UNC45B: variants seen among roughly 807,000 people sequenced by gnomAD.
UNC45B encodes protein unc-45 homolog B.
Under a neutral mutation model 98.7 loss-of-function variants are expected in UNC45B, and 78 were observed. The ratio of observed to expected loss-of-function variants is 0.79; its 90% CI spans 0.66 to 0.95. The LOEUF (loss-of-function observed/expected upper bound fraction) is 0.95. Ranked by LOEUF, UNC45B falls within the 40% of genes least tolerant of loss-of-function variation. The pLI, the probability that UNC45B is intolerant of heterozygous loss-of-function variation, is 0.00. For missense variants in UNC45B, 1,225 were observed against 1,184.9 expected, an observed-to-expected ratio of 1.03 and a Z score of -0.50; for synonymous variants, 462 against 480.4, an observed-to-expected ratio of 0.96 and a Z score of 0.50.
intron 2 of UNC45B, 62 bp downstream of exon 2, chr17:35,148,493 AG>A: frequency 6.4e-7 from 1 of 1,557,968 alleles, no homozygotes; most frequent in Non-Finnish European, 8.7e-7. Context: ...GCTGAGTGGC[AG>A]CCCCTTCACC....
intron 4 of UNC45B, among the ~76,000 whole-genome samples, chr17:35,150,606 C>T (rs1422899563): frequency 1.3e-5 from 2 of 152,008 alleles, no homozygotes; most frequent in Admixed American, 1.3e-4. Context: ...AAAAAATAGC[C>T]GGATGTGGTG....
chr17:35,174,355 G>A lies in UNC45B; in HGVS notation c.1944G>A (p.Lys648=). The A allele has an allele frequency of 4.3e-6, 7 of 1,614,178 alleles. No individual in the cohort carries two copies. The highest frequency in any genetic ancestry group is 5.9e-6 in the Non-Finnish European group (7 of 1,180,002). The change falls in exon 14 of 20, where the codon AAG becomes AAA. Residue 648 remains lysine, a synonymous_variant. Transcript: ENST00000394570. Reference sequence around the variant, plus strand: ...GTGCCATCCTCACTGACCAGACCAAGGAGCTGCTGGCCAGGTGGGGCTGCA... The same window carrying A: ...GTGCCATCCTCACTGACCAGACCAAAGAGCTGCTGGCCAGGTGGGGCTGCA... ...ADSAILTDQT[K]ELLARVFLAL...
At chr17:35,183,837 A>G (rs1038163182) in intron 19 of UNC45B, among the ~76,000 whole-genome samples, 1 of 152,228 alleles carries the variant, frequency 6.6e-6, no homozygotes, top group Non-Finnish European at 1.5e-5. Flanking sequence ...AGTGGTGCAT[A>G]TACCTCATTG....
At chr17:35,175,373 A>G (rs7222034) in intron 14 of UNC45B, among the ~76,000 whole-genome samples, 87,795 of 151,934 alleles carry the variant, frequency 0.58, 25,513 homozygotes, top group East Asian at 0.7. Context: ...TAAAGGGCTG[A>G]TTGGAGCACA....
chr17:35,155,688 G>A (rs1171517624), intron 7 of UNC45B, among the ~76,000 whole-genome samples: 1 of 152,156 alleles, frequency 6.6e-6, no homozygotes, highest in Admixed American at 6.5e-5. Flanking sequence ...TCCTGCCTCA[G>A]CCTCCCGAGT....
rs5820102 is a variant in UNC45B, at chr17:35,165,222, TG to T, written c.1151+1057del. ...TGGTTGAAAGGAACACATGTCAGCT[TG>T]TCAAGGAGGGAGGCCCGGTTCTTTC... On this transcript the variant is annotated intron_variant, in intron 9 of 19. Transcript: ENST00000394570. Among the ~76,000 whole-genome samples, 49 of 152,280 alleles carry T rather than the reference TG, an allele frequency of 3.2e-4. No individual in the cohort carries two copies. In the East Asian group the frequency reaches 6.2e-3, roughly 19 times the overall value.
intron 17 of UNC45B, among the ~76,000 whole-genome samples, chr17:35,180,266 G>C (rs1248657604): frequency 8.6e-5 from 13 of 151,678 alleles, no homozygotes; most frequent in Admixed American, 8.5e-4. Flanking sequence ...GAGAGAGAGA[G>C]AGAGAGAGAG....
rs1416850402 is a variant in UNC45B at position 35,177,079 on chromosome 17, A to G, written c.2088A>G (p.Leu696=). Residue 696 remains leucine, a synonymous_variant, in exon 16 of 20, where the codon CTA becomes CTG. Transcript: ENST00000394570. Reference sequence around the variant, plus strand: ...GCAAGGTGAAGGCAGCCCACGCTCTAGCAAAGATCGCTGCTGTCTCCAATC... The same window carrying G: ...GCAAGGTGAAGGCAGCCCACGCTCTGGCAAAGATCGCTGCTGTCTCCAATC... The part of the protein sequence containing the change: ...DVGKVKAAHA[L]AKIAAVSNPD... 1 of 1,614,222 alleles carries G rather than the reference A, an allele frequency of 6.2e-7. No homozygotes were observed. Among genetic ancestry groups the G allele is most frequent in the Non-Finnish European group, 8.5e-7 (1 of 1,180,044 alleles).
chr17:35,169,317 C>T (rs943448073), intron 10 of UNC45B, among the ~76,000 whole-genome samples: 6 of 152,232 alleles, frequency 3.9e-5, no homozygotes, highest in African/African-American at 9.6e-5. Context: ...GGGAGGATTA[C>T]AGGCGTGAGC....
chr17:35,182,679 A>G (rs1239189057), intron 18 of UNC45B, among the ~76,000 whole-genome samples: 1 of 152,140 alleles, frequency 6.6e-6, no homozygotes, highest in Non-Finnish European at 1.5e-5. Context: ...GACCTCTGCC[A>G]TGCTCTCACC....
At position 35,155,511 on chromosome 17, in the gene UNC45B, A is replaced by G. The variant is rs141104786; in HGVS notation, c.808+47A>G. On this transcript the variant is annotated intron_variant, in intron 7 of 19. Coordinates refer to ENST00000394570, the MANE Select transcript of UNC45B (RefSeq NM_001267052.2). ...TGATTCAAGGGGATGGGGAAAGAAA[A>G]GGTCAGTTGCTACCTCAGACTGGGA... 1.6e-4 allele frequency: 251 copies of G among 1,592,136 alleles called. No individual in the cohort carries two copies. The East Asian group carries it at 5.6e-3, about 35-fold the overall frequency.
rs200941990 is a variant in UNC45B, at chr17:35,156,625, C to CA, written c.808+1171dup. Among the ~76,000 whole-genome samples, 464 of 139,514 alleles carry CA rather than the reference C, an allele frequency of 3.3e-3. 8 individuals carry two copies. The East Asian group carries it at 0.041, about 12-fold the overall frequency. 91.5% of individuals were successfully genotyped at this position (139,514 alleles called of 152,430 possible). A position where few individuals can be genotyped will look rare whatever the true frequency, so the allele number is the denominator to read the frequency against. On this transcript the variant is annotated intron_variant, in intron 7 of 19. Transcript: ENST00000394570. The stretch of plus-strand genomic sequence containing the variant: ...CGGGTGACAGAGTGAGACTCCGTCT[C>CA]AAAAAAAAAAGGTTAAAATGGTAAA...
intron 19 of UNC45B, among the ~76,000 whole-genome samples, chr17:35,184,424 G>A (rs2142612292): frequency 6.6e-6 from 1 of 152,342 alleles, no homozygotes; most frequent in Admixed American, 6.5e-5. Flanking sequence ...TAGATTGGGG[G>A]TGGGAGGCTA....
Position 35,189,051 on chromosome 17 carries a change from T to C in UNC45B, c.*2492T>C, listed in dbSNP as rs868454455. 1 of 152,228 alleles carries C rather than the reference T, an allele frequency of 6.6e-6. No homozygotes were observed. 9.4% of individuals were successfully genotyped at this position (152,228 alleles called of 1,614,324 possible). A position where few individuals can be genotyped will look rare whatever the true frequency, so the allele number is the denominator to read the frequency against. On this transcript the variant is annotated 3_prime_UTR_variant, in exon 20 of 20. Transcript: ENST00000394570. Reference sequence around the variant, plus strand: ...AGGAACAGCCAATACCTGCCAACTTTCTAGGTTTTTCCAACCAATTCTCTT... The same window carrying C: ...AGGAACAGCCAATACCTGCCAACTTCCTAGGTTTTTCCAACCAATTCTCTT...
At chr17:35,178,920 C>T (rs1000547019) in intron 17 of UNC45B, among the ~76,000 whole-genome samples, 1 of 152,218 alleles carries the variant, frequency 6.6e-6, no homozygotes, top group African/African-American at 2.4e-5. Context: ...GTACCAGTAC[C>T]ATGCTGTTTT....
intron 2 of UNC45B, 70 bp from the exon 3 acceptor site, chr17:35,148,903 G>A (rs1165339282): frequency 6.3e-6 from 10 of 1,594,902 alleles, no homozygotes; most frequent in Non-Finnish European, 7.7e-6. Flanking sequence ...CACACTGTGG[G>A]GACACTCTCT....
intron 3 of UNC45B, 85 bp from the exon 4 acceptor site, chr17:35,149,963 G>A: frequency 1.5e-6 from 2 of 1,375,780 alleles, no homozygotes; most frequent in Non-Finnish European, 1.9e-6. Flanking sequence ...CGAAGCAAGA[G>A]CATGCTTCCT....
At chr17:35,176,086 T>C (rs761086294) in intron 15 of UNC45B, 52 bp downstream of exon 15, 1 of 1,570,870 alleles carries the variant, frequency 6.4e-7, no homozygotes, top group South Asian at 1.1e-5. Flanking sequence ...GCTCTTTGCC[T>C]AGCGCAAGAA....
chr17:35,160,342 G>A (rs182738188), intron 8 of UNC45B, among the ~76,000 whole-genome samples: 142 of 152,336 alleles, frequency 9.3e-4, no homozygotes, highest in African/African-American at 3.3e-3. Flanking sequence ...AGGAATAAAA[G>A]GAAAGGCAGT....
Sources: gnomAD v4.1 joint callset for allele counts (sites outside exome capture counted in the v4.1 genomes callset) on GRCh38, gnomAD v4.1.1 for gene constraint, MANE v1.5 for transcripts, NCBI Gene and HGNC (gene_info 2026-07-23, HGNC 2026-07-21) for gene names.